ZNF385B: variants seen among roughly 807,000 people sequenced by gnomAD.
ZNF385B encodes zinc finger protein 533.
Under a neutral mutation model 39.2 loss-of-function variants are expected in ZNF385B, and 23 were observed. That is an observed-to-expected ratio of 0.59 (90% CI 0.42 to 0.83). The LOEUF is 0.83. Among genes scored for constraint, ZNF385B ranks in the 40% least tolerant of loss-of-function variants. The pLI, the probability that ZNF385B is intolerant of heterozygous loss-of-function variation, is 0.00. For missense variants in ZNF385B, 552 were observed against 598.9 expected (o/e 0.92, Z 0.82); for synonymous variants, 205 against 222.6 (o/e 0.92, Z 0.70).
chr2:179,548,127 C>G (rs1372661371), intron 3 of ZNF385B, among the ~76,000 whole-genome samples: 1 of 149,536 alleles, frequency 6.7e-6, no homozygotes. Context: ...TTGGTGGAAT[C>G]TTCAGTTTTT....
At chr2:179,745,706 C>A in intron 3 of ZNF385B, 1 of 1,539,746 alleles carries the variant, frequency 6.5e-7, no homozygotes. Flanking sequence ...AGAATAAAAA[C>A]GCTCACCTCT....
At chr2:179,598,286 C>T (rs796528249) in intron 3 of ZNF385B, among the ~76,000 whole-genome samples, 2 of 152,164 alleles carry the variant, frequency 1.3e-5, no homozygotes, top group African/African-American at 2.4e-5. Context: ...TTGTTTGTGG[C>T]GCTCTAGTTC....
At chr2:179,689,783 ATGTGTGTGTGTGTGTG>A (rs112957152) in intron 3 of ZNF385B, among the ~76,000 whole-genome samples, 66 of 130,106 alleles carry the variant, frequency 5.1e-4, no homozygotes, top group Middle Eastern at 3.9e-3. Context: ...GGGCAGGGGC[ATGTGTGTGTGTGTGTG>A]TGTGTGTGTG....
At chr2:179,550,637 A>C (rs2060504933) in intron 3 of ZNF385B, among the ~76,000 whole-genome samples, 1 of 149,662 alleles carries the variant, frequency 6.7e-6, no homozygotes, top group South Asian at 2.1e-4. Flanking sequence ...CCTTCACCTC[A>C]ACCTTGCTGT....
At chr2:179,579,160 T>C (rs542838942) in intron 3 of ZNF385B, among the ~76,000 whole-genome samples, 106 of 152,106 alleles carry the variant, frequency 7.0e-4, no homozygotes, top group Non-Finnish European at 1.2e-3. Flanking sequence ...TAGAAAAATA[T>C]GTATTTTGAT....
intron 6 of ZNF385B, among the ~76,000 whole-genome samples, chr2:179,481,910 C>A (rs1194850657): frequency 2.0e-5 from 3 of 152,042 alleles, no homozygotes; most frequent in African/African-American, 7.2e-5. Context: ...TGATATTATA[C>A]CTGATAGATA....
intron 4 of ZNF385B, among the ~76,000 whole-genome samples, chr2:179,539,437 C>G (rs545909440): frequency 1.3e-5 from 2 of 152,310 alleles, no homozygotes; most frequent in South Asian, 2.1e-4. Flanking sequence ...TCATAGCAAT[C>G]TACATATGTA....
rs1288868937 is a variant in ZNF385B, at chr2:179,442,439, A to C, written c.*811T>G. On this transcript the variant is annotated 3_prime_UTR_variant, in exon 10 of 10. Coordinates refer to ENST00000410066, the MANE Select transcript of ZNF385B (RefSeq NM_152520.6). ...GCTTAGCAACACAAACCAGTGAGGA[A>C]GCTACAAAATAAGTTAAACAAAAAT... The C allele has an allele frequency of 6.5e-6, 1 of 152,688 alleles. No homozygotes were observed. Among genetic ancestry groups the C allele is most frequent in the African/African-American group, 2.4e-5 (1 of 41,466 alleles). 9.5% of individuals were successfully genotyped at this position (152,688 alleles called of 1,614,324 possible).
At chr2:179,447,668 C>T (rs10497540) in intron 6 of ZNF385B, among the ~76,000 whole-genome samples, 18,055 of 152,104 alleles carry the variant, frequency 0.12, 1,436 homozygotes, top group East Asian at 0.34. Flanking sequence ...AGCTGGTACT[C>T]TTAGAAAATG....
At chr2:179,568,276 A>G (rs1420531330) in intron 3 of ZNF385B, among the ~76,000 whole-genome samples, 3 of 152,052 alleles carry the variant, frequency 2.0e-5, no homozygotes, top group Non-Finnish European at 4.4e-5. Flanking sequence ...CCCTCCCTCT[A>G]TTACACTGCT....
chr2:179,667,863 T>C (rs993467711), intron 3 of ZNF385B, among the ~76,000 whole-genome samples: 6 of 152,192 alleles, frequency 3.9e-5, no homozygotes, highest in African/African-American at 1.2e-4. Flanking sequence ...CAGTTGTATT[T>C]AAGTCCCAGC....
chr2:179,689,826 T>TGTGTGTGTG (rs1491484227), intron 3 of ZNF385B, among the ~76,000 whole-genome samples: 35 of 46,800 alleles, frequency 7.5e-4, no homozygotes, highest in African/African-American at 3.2e-3. Flanking sequence ...TGTGTGTGTG[T>TGTGTGTGTG]TTATTTGTTT....
At chr2:179,815,343 C>T (rs1231466240) in intron 1 of ZNF385B, among the ~76,000 whole-genome samples, 2 of 152,168 alleles carry the variant, frequency 1.3e-5, no homozygotes, top group South Asian at 2.1e-4. Context: ...GCAGAACATT[C>T]ACTGAACTCG....
At position 179,689,828 on chromosome 2, in the gene ZNF385B, T is replaced by G. The variant is rs908001633; in HGVS notation, c.298+79675A>C. 5.6e-3 allele frequency among the ~76,000 whole-genome samples: 256 copies of G among 45,968 alleles called. 1 individual carries two copies. The highest frequency in any genetic ancestry group is 0.024 in the African/African-American group (249 of 10,456). The allele number at this position is 45,968 out of a possible 152,430, so 30.2% of individuals were successfully genotyped here. Reference sequence around the variant, plus strand: ...GTGTGTGTGTGTGTGTGTGTGTGTTTATTTGTTTTTATCCCAGACTTTGGT... The same window carrying G: ...GTGTGTGTGTGTGTGTGTGTGTGTTGATTTGTTTTTATCCCAGACTTTGGT... On this transcript the variant is annotated intron_variant, in intron 3 of 9. Transcript: ENST00000410066.
intron 3 of ZNF385B, among the ~76,000 whole-genome samples, chr2:179,664,166 C>T (rs72969255): frequency 0.13 from 18,830 of 146,912 alleles, 1,808 homozygotes; most frequent in African/African-American, 0.27. Context: ...CAGAGTAGAA[C>T]TAAAGTATCT....
At chr2:179,461,317 TGAGGA>T (rs1559264228) in intron 6 of ZNF385B, among the ~76,000 whole-genome samples, 1 of 152,138 alleles carries the variant, frequency 6.6e-6, no homozygotes, top group Non-Finnish European at 1.5e-5. Flanking sequence ...AGGATAAACA[TGAGGA>T]GATCAGTCAA....
chr2:179,747,844 C>CTA (rs1443452226), intron 3 of ZNF385B, among the ~76,000 whole-genome samples: 2 of 152,048 alleles, frequency 1.3e-5, no homozygotes, highest in Non-Finnish European at 2.9e-5. Context: ...GGCAACAACT[C>CTA]TATAATCAGA....
intron 3 of ZNF385B, among the ~76,000 whole-genome samples, chr2:179,759,558 T>C (rs62180380): frequency 0.049 from 7,423 of 152,252 alleles, 257 homozygotes; most frequent in Middle Eastern, 0.099. Context: ...AAACTATTTA[T>C]AGTTTGTTCC....
chr2:179,649,608 TAAGTAAAAATATA>T (rs1693032918), intron 3 of ZNF385B, among the ~76,000 whole-genome samples: 2 of 152,190 alleles, frequency 1.3e-5, no homozygotes, highest in Admixed American at 6.5e-5. Flanking sequence ...GATATAGTAC[TAAGTAAAAATATA>T]AAGGTGCAGA....
Sources: gnomAD v4.1 joint callset for allele counts (sites outside exome capture counted in the v4.1 genomes callset) on GRCh38, gnomAD v4.1.1 for gene constraint, MANE v1.5 for transcripts, NCBI Gene and HGNC (gene_info 2026-07-23, HGNC 2026-07-21) for gene names.